Variants in PC observed in about 807,000 individuals in gnomAD.
The protein encoded by PC is pyruvate carboxylase, mitochondrial.
In PC, 46 loss-of-function variants were observed where a neutral mutation model predicts 107.8. The observed-to-expected ratio is 0.43, with a 90% CI of 0.34 to 0.55. The LOEUF is 0.55. Among genes scored for constraint, PC ranks in the 20% least tolerant of loss-of-function variants. PC has a pLI of 0.04. For missense variants in PC, 1,241 were observed against 1,643.1 expected (o/e 0.76, Z 4.23); for synonymous variants, 662 against 684.7 (o/e 0.97, Z 0.52).
rs1302611371 is a variant in PC, at chr11:66,871,404, T to A, written c.398A>T (p.Asp133Val). 6.2e-7 allele frequency: 1 copy of A among 1,613,720 alleles called. No individual in the cohort carries two copies. The highest frequency in any genetic ancestry group is 1.1e-5 in the South Asian group (1 of 91,090). The change falls in exon 6 of 23, where the codon GAT becomes GTT. Residue 133 changes from aspartate (D) to valine (V), a missense_variant. Around this residue, in one of 2 missense-constraint regions of PC, gnomAD observed 1,143 missense variants for 1,551.9 expected, o/e 0.74. Coordinates refer to ENST00000393960, the MANE Select transcript of PC (RefSeq NM_001040716.2). The surrounding 1 kb of genome is among the most constrained non-coding windows in gnomAD (Gnocchi z 7.4). ...ERADFAQACQ[D>V]AGVRFIGPSP... Reference sequence around the variant, plus strand: ...TGGCCCAATAAACCGGACCCCTGCATCCTGGCAGGCCTGGGCGAAGTCCGC... The same window carrying A: ...TGGCCCAATAAACCGGACCCCTGCAACCTGGCAGGCCTGGGCGAAGTCCGC...
Position 66,871,254 on chromosome 11 carries a change from C to G in PC, c.488-57G>C. 6.2e-7 allele frequency: 1 copy of G among 1,613,808 alleles called. No homozygotes were observed. The highest frequency in any genetic ancestry group is 8.5e-7 in the Non-Finnish European group (1 of 1,179,784). ...TAACAGGCGGGAATCCCTGCCACCC[C>G]TCCCTGCTGGACCCTCTCCAGGAGC... On this transcript the variant is annotated intron_variant, in intron 6 of 22. Transcript: ENST00000393960. The surrounding 1 kb of genome is among the most constrained non-coding windows in gnomAD (Gnocchi z 7.4).
chr11:66,867,138 C>T (rs1565239091), intron 10 of PC, among the ~76,000 whole-genome samples: 1 of 152,222 alleles, frequency 6.6e-6, no homozygotes, highest in Non-Finnish European at 1.5e-5. Flanking sequence ...GTAATCCCAG[C>T]ACTTTGGGAG....
chr11:66,942,517 T>A (rs1949165408), intron 3 of PC, among the ~76,000 whole-genome samples: 1 of 152,080 alleles, frequency 6.6e-6, no homozygotes, highest in Admixed American at 6.6e-5. Flanking sequence ...TCCATTTATA[T>A]GAGGTGCCTA....
intron 3 of PC, among the ~76,000 whole-genome samples, chr11:66,873,521 T>TATATA (rs1555028662): frequency 1.2e-4 from 10 of 85,280 alleles, no homozygotes; most frequent in East Asian, 2.7e-4. Context: ...TATTATATTA[T>TATATA]ATATTATAAT....
intron 3 of PC, among the ~76,000 whole-genome samples, chr11:66,939,618 A>C (rs1240498104): frequency 2.6e-5 from 4 of 152,086 alleles, no homozygotes; most frequent in African/African-American, 7.2e-5. Flanking sequence ...CAGCCTGACC[A>C]ATACGGAGAA....
intron 3 of PC, among the ~76,000 whole-genome samples, chr11:66,898,248 G>A (rs750778807): frequency 2.0e-5 from 3 of 152,200 alleles, no homozygotes; most frequent in Non-Finnish European, 4.4e-5. Flanking sequence ...CAGGGCCAGC[G>A]GTCACAGCCC....
At chr11:66,947,509 C>G (rs1293964790) in intron 3 of PC, among the ~76,000 whole-genome samples, 1 of 149,618 alleles carries the variant, frequency 6.7e-6, no homozygotes, top group East Asian at 2.0e-4. Context: ...TGCAGTGAGC[C>G]GAGATCGTGC....
At chr11:66,873,475 TA>T (rs1169946671) in intron 3 of PC, among the ~76,000 whole-genome samples, 4 of 77,478 alleles carry the variant, frequency 5.2e-5, no homozygotes, top group Non-Finnish European at 7.1e-5. Flanking sequence ...ATATATAATA[TA>T]ATATATAATA....
rs184005634 is a variant in PC at position 66,859,451 on chromosome 11, G to A, written c.1368+4323C>T. The stretch of plus-strand genomic sequence containing the variant: ...CACCCCATTCCCCTCGCTTGCCTGC[G>A]TCCTGTGCCAGTGCACACACCCATC... On this transcript the variant is annotated intron_variant, in intron 12 of 22. Coordinates refer to ENST00000393960, the MANE Select transcript of PC (RefSeq NM_001040716.2). 1.1e-3 allele frequency among the ~76,000 whole-genome samples: 168 copies of A among 152,292 alleles called. 2 individuals carry two copies. The highest frequency in any genetic ancestry group is 3.7e-4 in the Non-Finnish European group (25 of 68,024).
intron 3 of PC, among the ~76,000 whole-genome samples, chr11:66,936,902 C>T (rs556396840): frequency 6.6e-6 from 1 of 151,982 alleles, no homozygotes; most frequent in Non-Finnish European, 1.5e-5. Flanking sequence ...TGCAGTGGCG[C>T]GATCTTGGCT....
chr11:66,862,629 T>A (rs1456688910), intron 12 of PC, among the ~76,000 whole-genome samples: 1 of 152,214 alleles, frequency 6.6e-6, no homozygotes, highest in East Asian at 1.9e-4. Flanking sequence ...CTCCGGCTCT[T>A]CTTGCCATTC....
Position 66,852,887 on chromosome 11 carries a change from C to G in PC, c.1514-51G>C. On this transcript the variant is annotated intron_variant, in intron 13 of 22. Transcript: ENST00000393960. This position sits in a 1 kb window ranked among gnomAD's most constrained non-coding sequence, Gnocchi z 4.7. ...AGGGTGGGCTGGGCAGAGGCTGAGT[C>G]GAGGGCAGCAGTGAGAGTGGCTGGG... is the stretch of plus-strand genomic sequence containing the variant. The G allele has an allele frequency of 2.2e-6, 3 of 1,355,740 alleles. No individual in the cohort carries two copies. The highest frequency in any genetic ancestry group is 3.1e-6 in the Non-Finnish European group (3 of 977,924). 84.0% of individuals were successfully genotyped at this position (1,355,740 alleles called of 1,614,324 possible). A position where few individuals can be genotyped will look rare whatever the true frequency, so the allele number is the denominator to read the frequency against.
chr11:66,925,915 A>T (rs934988145), intron 3 of PC, among the ~76,000 whole-genome samples: 1 of 149,960 alleles, frequency 6.7e-6, no homozygotes, highest in Non-Finnish European at 1.5e-5. Flanking sequence ...CGCAACAGGG[A>T]GGGGAGTTAA....
intron 12 of PC, chr11:66,860,655 C>T (rs1946208232): frequency 1.4e-6 from 1 of 701,670 alleles, no homozygotes; most frequent in Non-Finnish European, 2.6e-6. Context: ...AGGGCTGTGC[C>T]TGGTGTCTTC....
intron 12 of PC, among the ~76,000 whole-genome samples, chr11:66,854,080 T>G (rs1945666675): frequency 6.6e-6 from 1 of 152,192 alleles, no homozygotes; most frequent in Non-Finnish European, 1.5e-5. Context: ...GTCCCCCCAG[T>G]TACCAAAACC....
chr11:66,912,755 A>G (rs1185814004), intron 3 of PC, among the ~76,000 whole-genome samples: 1 of 152,198 alleles, frequency 6.6e-6, no homozygotes, highest in African/African-American at 2.4e-5. Flanking sequence ...GGAGGGCAAG[A>G]AGCAGCAAGG....
Position 66,857,499 on chromosome 11 carries a change from C to T in PC, c.1369-4116G>A. 1 of 487,816 alleles carries T rather than the reference C, an allele frequency of 2.0e-6. No individual in the cohort carries two copies. The highest frequency in any genetic ancestry group is 3.6e-6 in the Non-Finnish European group (1 of 277,422). 30.2% of individuals were successfully genotyped at this position (487,816 alleles called of 1,614,324 possible). ...CTCCTCCGCTTCCTGCCTCATGCCT[C>T]ACCTTGTCCCCAGCGCCTGGACTCC... On this transcript the variant is annotated intron_variant, in intron 12 of 22. Coordinates refer to ENST00000393960, the MANE Select transcript of PC (RefSeq NM_001040716.2). The surrounding 1 kb of genome is among the most constrained non-coding windows in gnomAD (Gnocchi z 7.1).
At chr11:66,861,706 C>T (rs1315784923) in intron 12 of PC, among the ~76,000 whole-genome samples, 1 of 152,160 alleles carries the variant, frequency 6.6e-6, no homozygotes, top group African/African-American at 2.4e-5. Context: ...TGGGCGCTAG[C>T]ATGAGGCTCA....
chr11:66,865,532 C>A (rs557857386), intron 11 of PC, among the ~76,000 whole-genome samples: 2 of 152,308 alleles, frequency 1.3e-5, no homozygotes, highest in South Asian at 4.1e-4. Flanking sequence ...GACTGGGTCC[C>A]GGTGCTGAGA....
Sources: allele counts gnomAD v4.1 joint callset (sites outside exome capture counted in the v4.1 genomes callset), GRCh38; gene constraint gnomAD v4.1.1; regional missense constraint gnomAD v4.1.1; non-coding constraint Gnocchi (gnomAD v3.1); transcripts MANE v1.5; gene names NCBI Gene and HGNC (gene_info 2026-07-23, HGNC 2026-07-21).